GNG7: variants seen among roughly 807,000 people sequenced by gnomAD.
GNG7 encodes the protein G protein subunit gamma 7, also known as guanine nucleotide-binding protein G(I)/G(S)/G(O) subunit gamma-7.
GNG7 carries 1 observed loss-of-function variant against 4.0 expected under a neutral mutation model. That is an observed-to-expected ratio of 0.25 (90% CI 0.09 to 1.18). The LOEUF (loss-of-function observed/expected upper bound fraction) is 1.18. GNG7 is among the 50% of genes most tolerant of loss of function. The pLI is 0.50. For missense variants in GNG7, 86 were observed against 91.9 expected (o/e 0.94, Z 0.26); for synonymous variants, 34 against 36.9 (o/e 0.92, Z 0.29).
chr19:2,575,934 TACAG>T (rs1324538109), intron 2 of GNG7, among the ~76,000 whole-genome samples: 1 of 133,026 alleles, frequency 7.5e-6, no homozygotes, highest in African/African-American at 3.0e-5. Context: ...CACAGGCACA[TACAG>T]ACACACAAAG....
At chr19:2,622,026 C>T (rs1388418728) in intron 2 of GNG7, among the ~76,000 whole-genome samples, 3 of 151,964 alleles carry the variant, frequency 2.0e-5, no homozygotes, top group African/African-American at 4.8e-5. Flanking sequence ...CTGATCACCA[C>T]GGAGGAGTGA....
At chr19:2,640,802 AT>A (rs944460465) in intron 2 of GNG7, among the ~76,000 whole-genome samples, 24 of 151,814 alleles carry the variant, frequency 1.6e-4, no homozygotes, top group Middle Eastern at 3.4e-3. Flanking sequence ...TAATTGTTTA[AT>A]TTTTTTGTAG....
intron 2 of GNG7, among the ~76,000 whole-genome samples, chr19:2,587,891 G>GAAAGA (rs1187294970): frequency 7.1e-6 from 1 of 141,136 alleles, no homozygotes; most frequent in Non-Finnish European, 1.6e-5. Context: ...AGGAAGGAAG[G>GAAAGA]AAAGAAAAGA....
chr19:2,648,440 A>G (rs1599440864), intron 1 of GNG7, among the ~76,000 whole-genome samples: 1 of 152,316 alleles, frequency 6.6e-6, no homozygotes, highest in East Asian at 1.9e-4. Context: ...ATAAGATGCT[A>G]ACATAAGGGA....
intron 3 of GNG7, among the ~76,000 whole-genome samples, chr19:2,549,385 G>C (rs897107161): frequency 1.3e-5 from 2 of 151,466 alleles, no homozygotes; most frequent in Non-Finnish European, 2.9e-5. Flanking sequence ...TCCACCCCCT[G>C]GGTTCAAGCA....
chr19:2,635,631 G>A (rs907861775), intron 2 of GNG7, among the ~76,000 whole-genome samples: 1 of 150,506 alleles, frequency 6.6e-6, no homozygotes, highest in Non-Finnish European at 1.5e-5. Flanking sequence ...TGCCCAGGCT[G>A]TAGTGCAATG....
intron 1 of GNG7, among the ~76,000 whole-genome samples, chr19:2,696,286 G>GAC (rs1913246533): frequency 1.6e-5 from 2 of 123,372 alleles, no homozygotes; most frequent in Non-Finnish European, 3.3e-5. Context: ...AAGAAAAAGA[G>GAC]AGAGAGAGAA....
chr19:2,649,010 T>G (rs1982740571), intron 1 of GNG7, among the ~76,000 whole-genome samples: 1 of 152,012 alleles, frequency 6.6e-6, no homozygotes, highest in Admixed American at 6.6e-5. Context: ...TTCCTCAGCC[T>G]CCTGAGGAGC....
At chr19:2,593,317 T>C (rs894649640) in intron 2 of GNG7, among the ~76,000 whole-genome samples, 1 of 152,190 alleles carries the variant, frequency 6.6e-6, no homozygotes, top group Non-Finnish European at 1.5e-5. Context: ...AAAAAAAAAC[T>C]TGGAATGTTT....
chr19:2,551,337 C>G (rs534194236), intron 3 of GNG7, among the ~76,000 whole-genome samples: 5 of 152,108 alleles, frequency 3.3e-5, no homozygotes, highest in Admixed American at 3.3e-4. Flanking sequence ...CGGGCACATG[C>G]GACCCCTCGG....
intron 1 of GNG7, among the ~76,000 whole-genome samples, chr19:2,652,756 A>C (rs895390077): frequency 6.6e-6 from 1 of 152,116 alleles, no homozygotes; most frequent in African/African-American, 2.4e-5. Context: ...AAACACTGAG[A>C]GATGTCACTG....
intron 2 of GNG7, among the ~76,000 whole-genome samples, chr19:2,606,000 G>C (rs1032662575): frequency 1.3e-5 from 2 of 152,212 alleles, no homozygotes; most frequent in African/African-American, 4.8e-5. Flanking sequence ...GACATACAAA[G>C]TCTCTTTTCA....
chr19:2,576,218 C>A lies in GNG7; in HGVS notation c.-77-21030G>T, dbSNP rs1264007608. ...CAAGACTGAGTTTCCCAACCCACCG[C>A]AGTGGGGCGGCCTCGGATGACGTGC... On this transcript the variant is annotated intron_variant, in intron 2 of 4. Transcript: ENST00000382159. 3.3e-5 allele frequency among the ~76,000 whole-genome samples: 5 copies of A among 152,276 alleles called. No individual in the cohort carries two copies. The East Asian group carries it at 7.7e-4, about 23-fold the overall frequency.
At chr19:2,651,307 CTCCA>C (rs1982814790) in intron 1 of GNG7, among the ~76,000 whole-genome samples, 3 of 81,982 alleles carry the variant, frequency 3.7e-5, no homozygotes, top group South Asian at 5.7e-4. Flanking sequence ...CCTACCTTCC[CTCCA>C]TCCCTCCCTC....
chr19:2,588,639 G>A (rs926698126), intron 2 of GNG7, among the ~76,000 whole-genome samples: 2 of 152,220 alleles, frequency 1.3e-5, no homozygotes, highest in African/African-American at 4.8e-5. Flanking sequence ...ACCGCCTGCT[G>A]ACGCATCTAA....
chr19:2,649,637 C>G (rs1438898287), intron 1 of GNG7, among the ~76,000 whole-genome samples: 1 of 152,106 alleles, frequency 6.6e-6, no homozygotes, highest in Non-Finnish European at 1.5e-5. Context: ...ATCCACCCGC[C>G]TCAGCCTCCC....
chr19:2,511,901 C>G lies in GNG7; in HGVS notation c.*3121G>C. ...TGGCTCCTTCCTGGAGAGAGGAGGG[C>G]AGGGGAGGCGGAGCTGGTCCGGGAA... On this transcript the variant is annotated 3_prime_UTR_variant, in exon 5 of 5. Transcript: ENST00000382159. This position sits in a 1 kb window ranked among gnomAD's most constrained non-coding sequence, Gnocchi z 6.3. The G allele has an allele frequency of 1.0e-6, 1 of 986,282 alleles. No individual in the cohort carries two copies. The highest frequency in any genetic ancestry group is 4.7e-5 in the South Asian group (1 of 21,292). The allele number at this position is 986,282 out of a possible 1,614,324, so 61.1% of individuals were successfully genotyped here. A position where few individuals can be genotyped will look rare whatever the true frequency, so the allele number is the denominator to read the frequency against.
intron 2 of GNG7, among the ~76,000 whole-genome samples, chr19:2,568,169 A>G (rs1979987586): frequency 6.6e-6 from 1 of 151,026 alleles, no homozygotes. Flanking sequence ...ACATACATAC[A>G]CACACATACA....
intron 1 of GNG7, among the ~76,000 whole-genome samples, chr19:2,647,946 T>C (rs1982709381): frequency 6.8e-6 from 1 of 147,372 alleles, no homozygotes; most frequent in Non-Finnish European, 1.5e-5. Flanking sequence ...GAGAATCGTT[T>C]GAACCCGGGA....
Sources: allele counts gnomAD v4.1 joint callset (sites outside exome capture counted in the v4.1 genomes callset), GRCh38; gene constraint gnomAD v4.1.1; non-coding constraint Gnocchi (gnomAD v3.1); transcripts MANE v1.5; gene names NCBI Gene and HGNC (gene_info 2026-07-23, HGNC 2026-07-21).